MTHFD1L: variants seen among roughly 807,000 people sequenced by gnomAD.
MTHFD1L encodes the protein monofunctional C1-tetrahydrofolate synthase, mitochondrial.
A neutral mutation model predicts 119.5 loss-of-function variants in MTHFD1L; 81 were observed. The ratio of observed to expected loss-of-function variants is 0.68; its 90% CI spans 0.57 to 0.82. The LOEUF is 0.82. Among genes scored for constraint, MTHFD1L ranks in the 40% least tolerant of loss-of-function variants. MTHFD1L has a pLI of 0.00. For synonymous variants in MTHFD1L, 430 were observed against 475.2 expected (o/e 0.90, Z 1.24); for missense variants, 1,125 against 1,253.4 (o/e 0.90, Z 1.55).
At chr6:150,982,106 G>A (rs1777588470) in intron 20 of MTHFD1L, among the ~76,000 whole-genome samples, 1 of 151,626 alleles carries the variant, frequency 6.6e-6, no homozygotes, top group Non-Finnish European at 1.5e-5. Context: ...AAGAAAGAGA[G>A]AGAGAGAGGG....
At chr6:150,876,621 A>G (rs1780488171) in intron 2 of MTHFD1L, among the ~76,000 whole-genome samples, 1 of 152,206 alleles carries the variant, frequency 6.6e-6, no homozygotes, top group African/African-American at 2.4e-5. Context: ...AAAAGTCATT[A>G]CCCTGTCAAA....
chr6:150,898,322 G>A (rs141058751), intron 7 of MTHFD1L, among the ~76,000 whole-genome samples: 213 of 152,282 alleles, frequency 1.4e-3, no homozygotes, highest in Middle Eastern at 6.8e-3. Context: ...TCACTGGCAA[G>A]GAGCAGTGTC....
At chr6:150,909,720 G>T (rs1786539160) in intron 8 of MTHFD1L, among the ~76,000 whole-genome samples, 1 of 152,184 alleles carries the variant, frequency 6.6e-6, no homozygotes, top group Non-Finnish European at 1.5e-5. Context: ...TCAGAAAACA[G>T]TATCAAAACA....
intron 26 of MTHFD1L, among the ~76,000 whole-genome samples, chr6:151,073,968 A>T (rs1792235303): frequency 6.6e-6 from 1 of 152,224 alleles, no homozygotes; most frequent in Non-Finnish European, 1.5e-5. Flanking sequence ...ATTCAAAAAA[A>T]TGAGAACATT....
At chr6:150,866,293 C>T (rs961228030) in intron 1 of MTHFD1L, 1 of 1,473,854 alleles carries the variant, frequency 6.8e-7, no homozygotes, top group African/African-American at 1.5e-5. Context: ...GTGGGCATCT[C>T]CAATGGGCGC....
chr6:150,916,774 T>C (rs1788033408), intron 8 of MTHFD1L, among the ~76,000 whole-genome samples: 1 of 93,970 alleles, frequency 1.1e-5, no homozygotes, highest in Admixed American at 1.5e-4. Context: ...TTTTTTTTTT[T>C]TTTTTGAGGT....
chr6:151,082,018 A>G (rs1318614706), intron 26 of MTHFD1L, among the ~76,000 whole-genome samples: 1 of 152,170 alleles, frequency 6.6e-6, no homozygotes, highest in Non-Finnish European at 1.5e-5. Context: ...CCCAGCCCAC[A>G]ACATCACAGT....
At position 150,940,849 on chromosome 6, in the gene MTHFD1L, G is replaced by C. The variant is rs147529234; in HGVS notation, c.1440+2104G>C. ...CCCACCTCGGTCTTCAAAAGTGCTA[G>C]GATTACAGGCGTGAGCCACCGCGCC... On this transcript the variant is annotated intron_variant, in intron 13 of 27. Transcript: ENST00000367321. 5.6e-3 allele frequency among the ~76,000 whole-genome samples: 857 copies of C among 152,278 alleles called. 2 individuals carry two copies. Among genetic ancestry groups the C allele is most frequent in the South Asian group, 0.012 (59 of 4,818 alleles).
At chr6:150,870,610 T>TA (rs199625710) in intron 1 of MTHFD1L, among the ~76,000 whole-genome samples, 35 of 151,112 alleles carry the variant, frequency 2.3e-4, no homozygotes, top group Admixed American at 5.3e-4. Context: ...GCGTTTTGTC[T>TA]AAAAAAAAAC....
chr6:150,944,583 A>G lies in MTHFD1L; in HGVS notation c.1538A>G (p.Gln513Arg), dbSNP rs1317447125. Residue 513 changes from glutamine (Q) to arginine (R), a missense_variant, in exon 14 of 28, where the codon CAA becomes CGA. This residue lies in a region of MTHFD1L where 1,058 missense variants were observed against 1,151.2 expected (regional missense o/e 0.92). Transcript: ENST00000367321. ...IDTRILHENTQTDKALYNRLV... is the reference protein window; with the variant it reads ...IDTRILHENTRTDKALYNRLV... Reference sequence around the variant, plus strand: ...ACGAGGATTCTTCATGAAAACACGCAAACAGATAAGGTGAGAAGGATGCCT... The same window carrying G: ...ACGAGGATTCTTCATGAAAACACGCGAACAGATAAGGTGAGAAGGATGCCT... 14 of 1,612,952 alleles carry G rather than the reference A, an allele frequency of 8.7e-6. No homozygotes were observed. Among genetic ancestry groups the G allele is most frequent in the African/African-American group, 1.3e-5 (1 of 74,932 alleles).
chr6:151,091,279 A>ACTGGGTGCAGCATTGCTCCATGTGG (rs1794421738), intron 26 of MTHFD1L, among the ~76,000 whole-genome samples: 1 of 152,144 alleles, frequency 6.6e-6, no homozygotes, highest in Non-Finnish European at 1.5e-5. Context: ...GCTCCATGTG[A>ACTGGGTGCAGCATTGCTCCATGTGG]CTGGGTGCAT....
intron 26 of MTHFD1L, among the ~76,000 whole-genome samples, chr6:151,065,045 C>A (rs1425014912): frequency 6.6e-6 from 1 of 152,148 alleles, no homozygotes; most frequent in Non-Finnish European, 1.5e-5. Context: ...CTCAGGTGAT[C>A]CACCCGCCTT....
intron 20 of MTHFD1L, among the ~76,000 whole-genome samples, chr6:150,972,355 G>T (rs1265217746): frequency 6.6e-6 from 1 of 152,206 alleles, no homozygotes; most frequent in Non-Finnish European, 1.5e-5. Flanking sequence ...CGGTTTTCTT[G>T]TGTGTAAAAT....
intron 1 of MTHFD1L, chr6:150,866,467 G>C (rs915472455): frequency 7.6e-7 from 1 of 1,319,952 alleles, no homozygotes; most frequent in Admixed American, 4.2e-5. Flanking sequence ...GGCTCGGCGC[G>C]CCGGCTGGCC....
chr6:150,883,542 T>G (rs530293638), intron 5 of MTHFD1L, among the ~76,000 whole-genome samples: 66 of 152,326 alleles, frequency 4.3e-4, no homozygotes, highest in African/African-American at 1.5e-3. Flanking sequence ...CTTAGAAACC[T>G]GATTCCCCAG....
intron 26 of MTHFD1L, among the ~76,000 whole-genome samples, chr6:151,088,623 A>ATTTTTTTTTTTTTTTTTTTTTTTTT: frequency 7.8e-6 from 1 of 128,640 alleles, no homozygotes; most frequent in Non-Finnish European, 1.6e-5. Flanking sequence ...CACCCAGCTA[A>ATTTTTTTTTTTTTTTTTTTTTTTTT]TTTTTTTTTT....
At chr6:151,017,676 C>T (rs1344014998) in intron 24 of MTHFD1L, among the ~76,000 whole-genome samples, 3 of 151,584 alleles carry the variant, frequency 2.0e-5, no homozygotes, top group Non-Finnish European at 2.9e-5. Context: ...GCTGAATACG[C>T]TCCCATTCTT....
At chr6:150,949,843 C>G (rs1385438666) in intron 16 of MTHFD1L, among the ~76,000 whole-genome samples, 1 of 152,126 alleles carries the variant, frequency 6.6e-6, no homozygotes, top group Admixed American at 6.6e-5. Flanking sequence ...TGCATGATCT[C>G]GAGCAGGTCG....
At chr6:150,959,491 C>T (rs1047934582) in intron 17 of MTHFD1L, among the ~76,000 whole-genome samples, 25 of 152,212 alleles carry the variant, frequency 1.6e-4, no homozygotes, top group Non-Finnish European at 5.9e-5. Flanking sequence ...CGTGGAGCCA[C>T]AGCCAAGAGA....
Sources: allele counts gnomAD v4.1 joint callset (sites outside exome capture counted in the v4.1 genomes callset), GRCh38; gene constraint gnomAD v4.1.1; regional missense constraint gnomAD v4.1.1; transcripts MANE v1.5; gene names NCBI Gene and HGNC (gene_info 2026-07-23, HGNC 2026-07-21).